Variants in SH3PXD2B observed in about 807,000 individuals in gnomAD.
SH3PXD2B encodes the protein SH3 and PX domain-containing protein 2B.
In SH3PXD2B, 37 loss-of-function variants were observed where a neutral mutation model predicts 73.1. The ratio of observed to expected loss-of-function variants is 0.51; its 90% CI spans 0.39 to 0.67. The LOEUF is 0.67. Ranked by LOEUF, SH3PXD2B falls within the 30% of genes least tolerant of loss-of-function variation. SH3PXD2B has a pLI of 0.00. For missense variants in SH3PXD2B, 1,053 were observed against 1,197.8 expected, an observed-to-expected ratio of 0.88 and a Z score of 1.78; for synonymous variants, 457 against 480.5, an observed-to-expected ratio of 0.95 and a Z score of 0.64.
chr5:172,409,650 C>T (rs1007025955), intron 2 of SH3PXD2B, among the ~76,000 whole-genome samples: 1 of 152,132 alleles, frequency 6.6e-6, no homozygotes, highest in Non-Finnish European at 1.5e-5. Context: ...GACAGGATTT[C>T]CTTATTTTTG....
In SH3PXD2B at chr5:172,350,439, C is replaced by T. The variant is rs1757133589; in HGVS notation, c.936G>A (p.Arg312=). The change falls in exon 10 of 13, where the codon AGG becomes AGA. Residue 312 remains arginine, a synonymous_variant. Coordinates refer to ENST00000311601, the MANE Select transcript of SH3PXD2B (RefSeq NM_001017995.3). ...GVSRQQNAVG[R]EKELLSSQRD... is the part of the protein sequence containing the mutation. Reference sequence around the variant, plus strand: ...TCTGGCTGCTGAGCAGCTCCTTCTCCCTGCCCACCGCGTTCTGCTGCCGGG... The same window carrying T: ...TCTGGCTGCTGAGCAGCTCCTTCTCTCTGCCCACCGCGTTCTGCTGCCGGG... The T allele has an allele frequency of 6.2e-7, 1 of 1,614,114 alleles. No individual in the cohort carries two copies. Among genetic ancestry groups the T allele is most frequent in the Admixed American group, 1.7e-5 (1 of 60,030 alleles).
chr5:172,426,250 G>A (rs1026694918), intron 1 of SH3PXD2B, among the ~76,000 whole-genome samples: 5 of 152,154 alleles, frequency 3.3e-5, no homozygotes, highest in East Asian at 3.9e-4. Flanking sequence ...ATTTTTTAAC[G>A]AGAGCTGCCC....
In SH3PXD2B at chr5:172,413,556, G is replaced by GA. The variant is rs145886234; in HGVS notation, c.157-7205dup. On this transcript the variant is annotated intron_variant, in intron 2 of 12. Transcript: ENST00000311601. ...TGAGTAAATGAATGAATGAATGAAT[G>GA]AAAAAACAAATGAGAAAAAGTGGTT... Among the ~76,000 whole-genome samples the GA allele has an allele frequency of 5.6e-3, 853 of 152,252 alleles. 10 individuals carry two copies. The highest frequency in any genetic ancestry group is 0.019 in the African/African-American group (808 of 41,546).
Position 172,337,337 on chromosome 5 carries a change from C to A in SH3PXD2B, c.*1032G>T, listed in dbSNP as rs1756725989. On this transcript the variant is annotated 3_prime_UTR_variant, in exon 13 of 13. Transcript: ENST00000311601. ...TTTTACAGAGGGGAGGGCACAGGCA[C>A]TGAAGTCAGGCAGGCCTGGACTCAA... 1.0e-6 allele frequency: 1 copy of A among 985,522 alleles called. No individual in the cohort carries two copies. The highest frequency in any genetic ancestry group is 1.2e-6 in the Non-Finnish European group (1 of 829,958). The allele number at this position is 985,522 out of a possible 1,614,324, so 61.0% of individuals were successfully genotyped here.
downstream of SH3PXD2B, among the ~76,000 whole-genome samples, chr5:172,328,547 C>T (rs1033295454): frequency 3.3e-5 from 5 of 152,158 alleles, no homozygotes; most frequent in Non-Finnish European, 7.4e-5. Flanking sequence ...CTGTTCTCCT[C>T]CCCTGAGTTC....
chr5:172,368,214 T>G (rs1037321419), intron 6 of SH3PXD2B, among the ~76,000 whole-genome samples: 1 of 151,820 alleles, frequency 6.6e-6, no homozygotes, highest in Non-Finnish European at 1.5e-5. Flanking sequence ...TCAAGTGGCA[T>G]CTTATCAATG....
intron 6 of SH3PXD2B, among the ~76,000 whole-genome samples, chr5:172,364,086 G>T (rs559782336): frequency 6.6e-6 from 1 of 152,100 alleles, no homozygotes; most frequent in African/African-American, 2.4e-5. Context: ...CCTGGGAGTC[G>T]TGTGGCCCTG....
At chr5:172,431,286 G>C (rs1759233395) in intron 1 of SH3PXD2B, among the ~76,000 whole-genome samples, 1 of 152,254 alleles carries the variant, frequency 6.6e-6, no homozygotes, top group Admixed American at 6.5e-5. Context: ...GATCAGCCCT[G>C]AGCATGCCAG....
intron 3 of SH3PXD2B, among the ~76,000 whole-genome samples, chr5:172,401,658 A>C (rs1758423926): frequency 6.6e-6 from 1 of 152,246 alleles, no homozygotes; most frequent in South Asian, 2.1e-4. Context: ...GCCGTGGCAG[A>C]AGAACATAAA....
intron 12 of SH3PXD2B, among the ~76,000 whole-genome samples, chr5:172,341,135 T>C (rs1238375528): frequency 6.6e-6 from 1 of 152,212 alleles, no homozygotes; most frequent in South Asian, 2.1e-4. Flanking sequence ...GTGAAAGGTG[T>C]GCTCGCTATT....
chr5:172,454,368 C>T lies in SH3PXD2B; in HGVS notation c.-16G>A, dbSNP rs747838457. 6 of 1,465,960 alleles carry T rather than the reference C, an allele frequency of 4.1e-6. No individual in the cohort carries two copies. Among genetic ancestry groups the T allele is most frequent in the South Asian group, 1.4e-5 (1 of 72,670 alleles). The allele number at this position is 1,465,960 out of a possible 1,614,324, so 90.8% of individuals were successfully genotyped here. On this transcript the variant is annotated 5_prime_UTR_variant, in exon 1 of 13. Coordinates refer to ENST00000311601, the MANE Select transcript of SH3PXD2B (RefSeq NM_001017995.3). ...GCGGCGGCATGGCCGCTCCTCCGCC[C>T]GCAGCGGGCCGAGCGCGGGTGCGGG... is the stretch of plus-strand genomic sequence containing the variant.
Position 172,421,963 on chromosome 5 carries a change from A to G in SH3PXD2B, c.156+453T>C, listed in dbSNP as rs1482926223. Reference sequence around the variant, plus strand: ...TGAAATATCAAAGCATAAAGCAACAAAGCACATTATTTGTGTCTCAAAAGT... The same window carrying G: ...TGAAATATCAAAGCATAAAGCAACAGAGCACATTATTTGTGTCTCAAAAGT... On this transcript the variant is annotated intron_variant, in intron 2 of 12. Coordinates refer to ENST00000311601, the MANE Select transcript of SH3PXD2B (RefSeq NM_001017995.3). The surrounding 1 kb of genome is among the most constrained non-coding windows in gnomAD (Gnocchi z 4.0). Among the ~76,000 whole-genome samples the G allele has an allele frequency of 6.6e-6, 1 of 152,140 alleles. No homozygotes were observed. The highest frequency in any genetic ancestry group is 1.5e-5 in the Non-Finnish European group (1 of 68,036).
intron 2 of SH3PXD2B, among the ~76,000 whole-genome samples, chr5:172,419,708 C>T (rs116394256): frequency 0.018 from 2,741 of 152,232 alleles, 97 homozygotes; most frequent in African/African-American, 0.063. Context: ...TATATCCAAC[C>T]CCACCCCTCT....
intron 4 of SH3PXD2B, among the ~76,000 whole-genome samples, chr5:172,383,676 T>A (rs1415300846): frequency 6.6e-6 from 1 of 152,134 alleles, no homozygotes; most frequent in Non-Finnish European, 1.5e-5. Context: ...ATTGCACAGG[T>A]GATTCTGCCA....
At chr5:172,440,961 G>A (rs187637745) in intron 1 of SH3PXD2B, among the ~76,000 whole-genome samples, 2 of 152,272 alleles carry the variant, frequency 1.3e-5, no homozygotes, top group Admixed American at 1.3e-4. Context: ...TAACACCCCT[G>A]GTACAGTGGT....
At chr5:172,361,107 A>AT (rs1448904600) in intron 7 of SH3PXD2B, among the ~76,000 whole-genome samples, 2 of 152,070 alleles carry the variant, frequency 1.3e-5, no homozygotes, top group Non-Finnish European at 2.9e-5. Context: ...ATACATATAT[A>AT]TACATACAAA....
At chr5:172,371,610 C>T (rs1048940263) in intron 6 of SH3PXD2B, among the ~76,000 whole-genome samples, 1 of 152,184 alleles carries the variant, frequency 6.6e-6, no homozygotes, top group African/African-American at 2.4e-5. Flanking sequence ...ATGCTATTTT[C>T]CAACCAGTTG....
At chr5:172,413,091 A>G (rs1758738404) in intron 2 of SH3PXD2B, among the ~76,000 whole-genome samples, 1 of 152,206 alleles carries the variant, frequency 6.6e-6, no homozygotes, top group Non-Finnish European at 1.5e-5. Flanking sequence ...TGGACTTGGG[A>G]GGGGTTTACC....
intron 6 of SH3PXD2B, among the ~76,000 whole-genome samples, chr5:172,365,666 G>A (rs545058935): frequency 6.6e-6 from 1 of 152,342 alleles, no homozygotes; most frequent in East Asian, 1.9e-4. Context: ...CACGTGAGCA[G>A]TGGCCTGAGA....
Sources: gnomAD v4.1 joint callset for allele counts (sites outside exome capture counted in the v4.1 genomes callset) on GRCh38, gnomAD v4.1.1 for gene constraint, Gnocchi (gnomAD v3.1) non-coding constraint, MANE v1.5 for transcripts, NCBI Gene and HGNC (gene_info 2026-07-23, HGNC 2026-07-21) for gene names.